SCHIP1: variants seen among roughly 807,000 people sequenced by gnomAD.
The protein encoded by SCHIP1 is schwannomin-interacting protein 1.
A neutral mutation model predicts 29.7 loss-of-function variants in SCHIP1; 8 were observed. That is an observed-to-expected ratio of 0.27 (90% CI 0.16 to 0.49). The LOEUF (loss-of-function observed/expected upper bound fraction) is 0.49, where lower values mean the gene tolerates loss of function less well. SCHIP1 is among the 20% of genes least tolerant of loss of function. The pLI is 0.99. For missense variants in SCHIP1, 193 were observed against 294.6 expected, an observed-to-expected ratio of 0.66 and a Z score of 2.52; for synonymous variants, 76 against 94.9, an observed-to-expected ratio of 0.80 and a Z score of 1.16.
the SCHIP1 span, among the ~76,000 whole-genome samples, chr3:159,653,814 AT>A: frequency 3.4e-4 from 51 of 152,078 alleles, 2 homozygotes; most frequent in South Asian, 0.01. Flanking sequence ...CATCTACTGT[AT>A]ATTTCAAAAG....
chr3:159,642,081 A>T, the SCHIP1 span, among the ~76,000 whole-genome samples: 1 of 152,104 alleles, frequency 6.6e-6, no homozygotes, highest in Non-Finnish European at 1.5e-5. Context: ...ATCAGTGATT[A>T]AATTTATGGG....
At chr3:159,883,661 C>T (rs1376796594) in intron 2 of SCHIP1, among the ~76,000 whole-genome samples, 1 of 152,152 alleles carries the variant, frequency 6.6e-6, no homozygotes, top group East Asian at 1.9e-4. Context: ...GAACCATTAG[C>T]TGTTATGTCA....
chr3:159,756,823 A>C, the SCHIP1 span, among the ~76,000 whole-genome samples: 7 of 152,236 alleles, frequency 4.6e-5, no homozygotes. Context: ...AAAGTTCCAC[A>C]GATCTCTAGG....
At chr3:159,368,689 A>G in the SCHIP1 span, among the ~76,000 whole-genome samples, 4 of 151,976 alleles carry the variant, frequency 2.6e-5, no homozygotes, top group East Asian at 3.9e-4. Context: ...CATGCACACT[A>G]CATGTCTAAC....
the SCHIP1 span, among the ~76,000 whole-genome samples, chr3:159,275,698 C>T: frequency 6.6e-6 from 1 of 152,082 alleles, no homozygotes; most frequent in South Asian, 2.1e-4. Context: ...GAAATTGTTG[C>T]TGTATGACAA....
At chr3:159,474,350 C>T in the SCHIP1 span, among the ~76,000 whole-genome samples, 1 of 152,268 alleles carries the variant, frequency 6.6e-6, no homozygotes, top group African/African-American at 2.4e-5. Context: ...TGGACTGTGT[C>T]TGCAAGGTGT....
chr3:159,449,253 G>C, the SCHIP1 span, among the ~76,000 whole-genome samples: 29 of 152,102 alleles, frequency 1.9e-4, no homozygotes, highest in Admixed American at 1.6e-3. Flanking sequence ...ATGGTGTGTA[G>C]ATCTTGGATA....
chr3:159,395,081 A>G, the SCHIP1 span, among the ~76,000 whole-genome samples: 1 of 152,156 alleles, frequency 6.6e-6, no homozygotes, highest in African/African-American at 2.4e-5. Flanking sequence ...CATTTCTTGT[A>G]GATTTTCTAG....
chr3:159,701,023 G>T, the SCHIP1 span, among the ~76,000 whole-genome samples: 3 of 152,132 alleles, frequency 2.0e-5, no homozygotes, highest in Non-Finnish European at 4.4e-5. Flanking sequence ...AAATGAGGAT[G>T]ATTAAAGTTC....
chr3:159,491,591 TAAAC>T, the SCHIP1 span, among the ~76,000 whole-genome samples: 1 of 152,136 alleles, frequency 6.6e-6, no homozygotes, highest in African/African-American at 2.4e-5. Context: ...CTTGAGTAGT[TAAAC>T]AAAGTGGCCT....
the SCHIP1 span, among the ~76,000 whole-genome samples, chr3:159,319,705 C>A: frequency 6.6e-6 from 1 of 152,164 alleles, no homozygotes; most frequent in South Asian, 2.1e-4. Context: ...TTTCTATTTG[C>A]TTTGAAATTT....
In SCHIP1 at chr3:159,881,147, A is replaced by G. The variant is rs116126959; in HGVS notation, c.150-5060A>G. 6.5e-3 allele frequency among the ~76,000 whole-genome samples: 984 copies of G among 152,248 alleles called. 5 individuals carry two copies. Among genetic ancestry groups the G allele is most frequent in the Non-Finnish European group, 8.7e-3 (590 of 68,030 alleles). On this transcript the variant is annotated intron_variant, in intron 2 of 6. Transcript: ENST00000445224. ...ACATCTAAAGCTTACCCAAACCTCA[A>G]TTGTTCTCACATTGTTTCTTCATGA...
chr3:159,842,509 C>G (rs1744309306), intron 1 of SCHIP1, among the ~76,000 whole-genome samples: 1 of 152,172 alleles, frequency 6.6e-6, no homozygotes, highest in Non-Finnish European at 1.5e-5. Flanking sequence ...GAAGACAGAT[C>G]ATGTCCCATA....
the SCHIP1 span, among the ~76,000 whole-genome samples, chr3:159,423,030 C>T: frequency 1.3e-5 from 2 of 152,198 alleles, no homozygotes; most frequent in African/African-American, 4.8e-5. Flanking sequence ...GAAAAACATA[C>T]AAATATGCAT....
At chr3:159,449,276 T>G in the SCHIP1 span, among the ~76,000 whole-genome samples, 2 of 134,588 alleles carry the variant, frequency 1.5e-5, no homozygotes, top group Non-Finnish European at 3.3e-5. Context: ...AACACAAGCC[T>G]ACAAGCTGAA....
the SCHIP1 span, among the ~76,000 whole-genome samples, chr3:159,592,871 C>T: frequency 3.9e-5 from 6 of 152,142 alleles, no homozygotes; most frequent in Admixed American, 3.9e-4. Context: ...ATAGTCTCTA[C>T]TGGCCCCTCT....
At chr3:159,644,142 C>T in the SCHIP1 span, among the ~76,000 whole-genome samples, 1 of 152,036 alleles carries the variant, frequency 6.6e-6, no homozygotes, top group Non-Finnish European at 1.5e-5. Flanking sequence ...GCTTTACTTC[C>T]AGTAATGTAC....
At chr3:159,896,853 C>A in exon 7 of SCHIP1, 1 of 1,434,708 alleles carries the variant, frequency 7.0e-7, no homozygotes, top group Non-Finnish European at 9.3e-7. Flanking sequence ...CTAAAGGTGG[C>A]GCAGAAACAA....
At chr3:159,768,451 C>T in the SCHIP1 span, 3 of 152,186 alleles carry the variant, frequency 2.0e-5, no homozygotes, top group East Asian at 1.9e-4. Flanking sequence ...TGGTGATGCA[C>T]GCAGAAGGAT....
Sources: gnomAD v4.1 joint callset for allele counts (sites outside exome capture counted in the v4.1 genomes callset) on GRCh38, gnomAD v4.1.1 for gene constraint, MANE v1.5 for transcripts, NCBI Gene and HGNC (gene_info 2026-07-23, HGNC 2026-07-21) for gene names.